The following MS4A3 variants were observed in gnomAD, a reference collection of about 807,000 sequenced individuals.
MS4A3 encodes the protein membrane-spanning 4-domains subfamily A member 3.
A neutral mutation model predicts 24.7 loss-of-function variants in MS4A3; 18 were observed. The ratio of observed to expected loss-of-function variants is 0.73; its 90% CI spans 0.50 to 1.08. MS4A3 has a LOEUF of 1.08. MS4A3 is among the 50% of genes least tolerant of loss of function. MS4A3 has a pLI of 0.00. For synonymous variants in MS4A3, 84 were observed against 95.3 expected, an observed-to-expected ratio of 0.88 and a Z score of 0.69; for missense variants, 282 against 251.7, an observed-to-expected ratio of 1.12 and a Z score of -0.82.
intron 3 of MS4A3, 187 bp downstream of exon 3, chr11:60,062,792 T>A: frequency 2.6e-6 from 1 of 384,554 alleles, no homozygotes; most frequent in Non-Finnish European, 4.3e-6. Context: ...ATTAATTACT[T>A]AATTAATTTA....
intron 5 of MS4A3, 101 bp downstream of exon 5, chr11:60,067,213 T>TTC: frequency 9.5e-6 from 2 of 211,614 alleles, no homozygotes; most frequent in Admixed American, 2.5e-4. Flanking sequence ...AATTTGAATC[T>TTC]TTTTTTTTTT....
Position 60,061,243 on chromosome 11 carries a change from A to T in MS4A3, c.83A>T (p.Glu28Val). Residue 28 changes from glutamate (E) to valine (V), a missense_variant, in exon 2 of 7, where the codon GAG (glutamate) becomes GTG (valine). Glu to Val is a moderately radical substitution (Grantham distance 121, BLOSUM62 -2). Coordinates refer to ENST00000278865, the MANE Select transcript of MS4A3 (RefSeq NM_006138.5). ...GTPGSEAGPEELNTSVYQPID... is the reference protein window; with the variant it reads ...GTPGSEAGPEVLNTSVYQPID... ...CCAGGCAGTGAGGCGGGACCAGAAG[A>T]GCTGAATACTTCTGTCTACCAGCCC... 6.2e-7 allele frequency: 1 copy of T among 1,614,014 alleles called. No individual in the cohort carries two copies. Among genetic ancestry groups the T allele is most frequent in the Non-Finnish European group, 8.5e-7 (1 of 1,179,952 alleles).
In MS4A3 at chr11:60,070,475, G is replaced by A. The variant is rs565775520; in HGVS notation, c.*242G>A. On this transcript the variant is annotated 3_prime_UTR_variant, in exon 7 of 7. Transcript: ENST00000278865. Reference sequence around the variant, plus strand: ...AGATATATTTCTTTAGGCATTCTTGGATATCTGTAACTTCTATGATCATTA... The same window carrying A: ...AGATATATTTCTTTAGGCATTCTTGAATATCTGTAACTTCTATGATCATTA... 170 of 438,768 alleles carry A rather than the reference G, an allele frequency of 3.9e-4. No individual in the cohort carries two copies. The highest frequency in any genetic ancestry group is 6.2e-4 in the Non-Finnish European group (155 of 248,684). The allele number at this position is 438,768 out of a possible 1,614,324, so 27.2% of individuals were successfully genotyped here.
intron 4 of MS4A3, among the ~76,000 whole-genome samples, chr11:60,065,208 T>C (rs1010094715): frequency 9.9e-5 from 14 of 141,592 alleles, no homozygotes; most frequent in South Asian, 4.3e-4. Context: ...CCTGGCTAAT[T>C]TTTGTCTTTT....
chr11:60,057,173 C>T (rs1158924638), intron 1 of MS4A3, among the ~76,000 whole-genome samples: 1 of 152,140 alleles, frequency 6.6e-6, no homozygotes, highest in Non-Finnish European at 1.5e-5. Flanking sequence ...TCTCAAATTG[C>T]TGGCTGTGTG....
rs780680525 is a variant in MS4A3 at position 60,067,032 on chromosome 11, G to A, written c.433G>A (p.Val145Ile). 1.4e-5 allele frequency: 22 copies of A among 1,613,118 alleles called. No individual in the cohort carries two copies. In the South Asian group the frequency reaches 2.4e-4, roughly 18 times the overall value. ...TGCTTTTCTCTCACTAAATATAGCAGTTAATATCCAGTCATTAAGGAGTTG... is the reference window on the plus strand; with the variant it reads ...TGCTTTTCTCTCACTAAATATAGCAATTAATATCCAGTCATTAAGGAGTTG... ...GTAFLSLNIA[V>I]NIQSLRSCHS... Residue 145 changes from valine (V) to isoleucine (I), a missense_variant, in exon 5 of 7, where the codon GTT (valine) becomes ATT (isoleucine). Physicochemically the swap from Val to Ile is conservative, Grantham distance 29. Transcript: ENST00000278865.
intron 4 of MS4A3, 34 bp downstream of exon 4, chr11:60,064,352 G>A: frequency 6.7e-7 from 1 of 1,490,632 alleles, no homozygotes; most frequent in African/African-American, 1.4e-5. Flanking sequence ...TATGATCAGA[G>A]GAGTAGAAAT....
At chr11:60,056,980 C>T (rs1238355366) in intron 1 of MS4A3, among the ~76,000 whole-genome samples, 1 of 152,142 alleles carries the variant, frequency 6.6e-6, no homozygotes, top group Admixed American at 6.5e-5. Context: ...TATGGATACA[C>T]ACACATGCAC....
chr11:60,061,165 C>T lies in MS4A3; in HGVS notation c.5C>T (p.Ala2Val). M[A>V]SHEVDNAELG... ...TCACAGCCATAAACAACCCCAATGG[C>T]CTCCCACGAAGTTGATAATGCAGAG... Residue 2 changes from alanine (A) to valine (V), a missense_variant, in exon 2 of 7, where the codon GCC (alanine) becomes GTC (valine). Transcript: ENST00000278865. The T allele has an allele frequency of 6.3e-7, 1 of 1,579,528 alleles. No individual in the cohort carries two copies. Among genetic ancestry groups the T allele is most frequent in the Non-Finnish European group, 8.6e-7 (1 of 1,167,602 alleles).
At chr11:60,059,239 A>C (rs1354115946) in intron 1 of MS4A3, among the ~76,000 whole-genome samples, 1 of 152,118 alleles carries the variant, frequency 6.6e-6, no homozygotes, top group Non-Finnish European at 1.5e-5. Flanking sequence ...TCACACTTAA[A>C]TGAGTCATAC....
intron 6 of MS4A3, 69 bp downstream of exon 6, chr11:60,069,744 C>A: frequency 8.7e-7 from 1 of 1,151,990 alleles, no homozygotes; most frequent in Non-Finnish European, 1.3e-6. Flanking sequence ...GAAGTTGTTT[C>A]TGATGCTTAG....
In MS4A3 at chr11:60,069,627, C is replaced by G; in HGVS notation, c.567C>G (p.Ile189Met). The G allele has an allele frequency of 6.2e-7, 1 of 1,613,708 alleles. No homozygotes were observed. The highest frequency in any genetic ancestry group is 1.1e-5 in the South Asian group (1 of 91,058). ...CCTTGCTGGAATTATGCGTAACCAT[C>G]TCTACCATAGCCATGTGGTGCAATG... ...ILTLLELCVT[I>M]STIAMWCNAN... is the part of the protein sequence containing the mutation. The change falls in exon 6 of 7, where the codon ATC (isoleucine) becomes ATG (methionine). Residue 189 changes from isoleucine to methionine, a missense_variant. Transcript: ENST00000278865.
intron 3 of MS4A3, 155 bp downstream of exon 3, chr11:60,062,760 C>A: frequency 1.8e-6 from 1 of 549,036 alleles, no homozygotes; most frequent in Non-Finnish European, 2.9e-6. Context: ...AGACGATAAA[C>A]TCTTTTTTAT....
At chr11:60,069,112 C>A (rs1855430630) in intron 5 of MS4A3, among the ~76,000 whole-genome samples, 1 of 152,094 alleles carries the variant, frequency 6.6e-6, no homozygotes, top group Non-Finnish European at 1.5e-5. Context: ...GAATCATTAG[C>A]CCAACAATTT....
rs937343074 is a variant in MS4A3, at chr11:60,068,009, G to C, written c.513+897G>C. 3.3e-5 allele frequency among the ~76,000 whole-genome samples: 5 copies of C among 151,908 alleles called. No individual in the cohort carries two copies. In the East Asian group the frequency reaches 9.9e-4, roughly 30 times the overall value. ...GGAGGTTGCGGTGAGCCGAGATTGC[G>C]CCATTGCACTCCAGCCTGGGCAAAA... is the stretch of plus-strand genomic sequence containing the variant. On this transcript the variant is annotated intron_variant, in intron 5 of 6. Coordinates refer to ENST00000278865, the MANE Select transcript of MS4A3 (RefSeq NM_006138.5).
At chr11:60,068,931 CCTATGGG>C in intron 5 of MS4A3, among the ~76,000 whole-genome samples, 1 of 151,928 alleles carries the variant, frequency 6.6e-6, no homozygotes, top group East Asian at 1.9e-4. Context: ...TCAGTTCCCA[CCTATGGG>C]TGAGACACTA....
intron 6 of MS4A3, 86 bp from the exon 7 acceptor site, chr11:60,070,118 G>T: frequency 8.6e-7 from 1 of 1,162,266 alleles, no homozygotes; most frequent in South Asian, 1.3e-5. Flanking sequence ...TTTTATTGTT[G>T]ATGATTATGA....
intron 3 of MS4A3, among the ~76,000 whole-genome samples, chr11:60,063,804 G>A (rs1399359816): frequency 1.3e-5 from 2 of 152,142 alleles, no homozygotes; most frequent in Non-Finnish European, 2.9e-5. Flanking sequence ...CTTATAAGCG[G>A]GAGCTAAGCT....
At chr11:60,065,036 T>G (rs1855337364) in intron 4 of MS4A3, among the ~76,000 whole-genome samples, 1 of 152,152 alleles carries the variant, frequency 6.6e-6, no homozygotes, top group Admixed American at 6.5e-5. Context: ...CTTTAATTTT[T>G]GTCTCTCTGC....
Sources: allele counts gnomAD v4.1 joint callset (sites outside exome capture counted in the v4.1 genomes callset), GRCh38; gene constraint gnomAD v4.1.1; transcripts MANE v1.5; gene names NCBI Gene and HGNC (gene_info 2026-07-23, HGNC 2026-07-21).